The following HOXB9 variants were observed in gnomAD, a reference collection of about 807,000 sequenced individuals.
HOXB9 encodes the protein homeobox B9.
In HOXB9, 10 loss-of-function variants were observed where a neutral mutation model predicts 21.5. That is an observed-to-expected ratio of 0.47 (90% CI 0.29 to 0.79). The LOEUF (loss-of-function observed/expected upper bound fraction) is 0.79. Ranked by LOEUF, HOXB9 falls within the 30% of genes least tolerant of loss-of-function variation. The pLI is 0.10. For synonymous variants in HOXB9, 156 were observed against 151.2 expected, an observed-to-expected ratio of 1.03 and a Z score of -0.23; for missense variants, 375 against 338.7, an observed-to-expected ratio of 1.11 and a Z score of -0.84.
chr17:48,625,392 C>T lies in HOXB9; in HGVS notation c.517+361G>A, dbSNP rs558520546. Among the ~76,000 whole-genome samples the T allele has an allele frequency of 1.7e-3, 263 of 152,316 alleles. 1 individual carries two copies. The highest frequency in any genetic ancestry group is 3.1e-3 in the Non-Finnish European group (214 of 68,020). On this transcript the variant is annotated intron_variant, in intron 1 of 1. Transcript: ENST00000311177. ...GGCTCTCGGCCTCGCTGGCCGCTGG[C>T]CCCGGCCCCCGCCAGCTCCTCTCCC... is the stretch of plus-strand genomic sequence containing the variant.
Position 48,626,096 on chromosome 17 carries a change from C to A in HOXB9, c.174G>T (p.Val58=), listed in dbSNP as rs907598515. The part of the protein sequence containing the change: ...PSCSFQPKAP[V]FGASWAPLSP... Reference sequence around the variant, plus strand: ...TCAGCGGCGCCCAGGAGGCGCCGAACACCGGCGCTTTGGGCTGGAAGCTGC... The same window carrying A: ...TCAGCGGCGCCCAGGAGGCGCCGAAAACCGGCGCTTTGGGCTGGAAGCTGC... The change falls in exon 1 of 2, where the codon GTG becomes GTT. Residue 58 remains valine, a synonymous_variant. Transcript: ENST00000311177. 50 of 1,578,164 alleles carry A rather than the reference C, an allele frequency of 3.2e-5. No individual in the cohort carries two copies. Among genetic ancestry groups the A allele is most frequent in the Non-Finnish European group, 4.2e-5 (49 of 1,168,794 alleles).
In HOXB9 at chr17:48,623,005, G is replaced by A. The variant is rs113492126; in HGVS notation, c.648C>T (p.His216=). 52 of 1,614,154 alleles carry A rather than the reference G, an allele frequency of 3.2e-5. No individual in the cohort carries two copies. The highest frequency in any genetic ancestry group is 6.7e-5 in the African/African-American group (5 of 75,030). The change falls in exon 2 of 2, where the codon CAC becomes CAT. Residue 216 remains histidine, a synonymous_variant. Coordinates refer to ENST00000311177, the MANE Select transcript of HOXB9 (RefSeq NM_024017.5). ...TCAGATTGAGGAGTCTGGCCACTTC[G>A]TGCCTACGGTCCCTGGTGAGGTACA... The part of the protein sequence containing the change: ...FNMYLTRDRR[H]EVARLLNLSE...
chr17:48,625,468 G>C (rs2070804559), intron 1 of HOXB9, among the ~76,000 whole-genome samples: 1 of 152,192 alleles, frequency 6.6e-6, no homozygotes, highest in Non-Finnish European at 1.5e-5. Flanking sequence ...CCGGGAGAGA[G>C]GGGGAAAGAG....
At chr17:48,623,960 C>A (rs2070791613) in intron 1 of HOXB9, among the ~76,000 whole-genome samples, 1 of 152,174 alleles carries the variant, frequency 6.6e-6, no homozygotes, top group Non-Finnish European at 1.5e-5. Context: ...GCTCCAGTCC[C>A]AAGGTGGGGA....
In HOXB9 at chr17:48,622,636, C is replaced by G. The variant is rs1040841548; in HGVS notation, c.*264G>C. ...AGGAGCTTGACTGGGGTCTCTCTTT[C>G]CTTGTGGCCCATCACATTCTTAGGA... On this transcript the variant is annotated 3_prime_UTR_variant, in exon 2 of 2. Transcript: ENST00000311177. 1.3e-5 allele frequency: 5 copies of G among 382,082 alleles called. No individual in the cohort carries two copies. Among genetic ancestry groups the G allele is most frequent in the African/African-American group, 8.3e-5 (4 of 48,414 alleles). 23.7% of individuals were successfully genotyped at this position (382,082 alleles called of 1,614,324 possible).
intron 1 of HOXB9, among the ~76,000 whole-genome samples, chr17:48,625,275 T>C (rs936410083): frequency 2.0e-5 from 3 of 152,246 alleles, no homozygotes; most frequent in African/African-American, 7.2e-5. Context: ...CCCTTCCCCT[T>C]GGCCGGCTTT....
At chr17:48,625,605 T>C in intron 1 of HOXB9, 148 bp downstream of exon 1, 1 of 951,350 alleles carries the variant, frequency 1.1e-6, no homozygotes, top group Non-Finnish European at 1.5e-6. Context: ...CTTCCCTCCG[T>C]CTTTCCTTCC....
chr17:48,622,782 A>G lies in HOXB9; in HGVS notation c.*118T>C, dbSNP rs1392405113. On this transcript the variant is annotated 3_prime_UTR_variant, in exon 2 of 2. Coordinates refer to ENST00000311177, the MANE Select transcript of HOXB9 (RefSeq NM_024017.5). ...TAGGTGCAGATAAAGGACTTGGAAGAGAGACTCCCTTCCCCATTCACTTGA... is the reference window on the plus strand; with the variant it reads ...TAGGTGCAGATAAAGGACTTGGAAGGGAGACTCCCTTCCCCATTCACTTGA... The G allele has an allele frequency of 9.8e-6, 7 of 713,076 alleles. No homozygotes were observed. Among genetic ancestry groups the G allele is most frequent in the Non-Finnish European group, 1.7e-5 (7 of 423,748 alleles). The allele number at this position is 713,076 out of a possible 1,614,324, so 44.2% of individuals were successfully genotyped here. A position where few individuals can be genotyped will look rare whatever the true frequency, so the allele number is the denominator to read the frequency against.
chr17:48,622,708 C>A lies in HOXB9; in HGVS notation c.*192G>T. 1.8e-6 allele frequency: 1 copy of A among 553,756 alleles called. No individual in the cohort carries two copies. The highest frequency in any genetic ancestry group is 3.2e-6 in the Non-Finnish European group (1 of 311,508). The allele number at this position is 553,756 out of a possible 1,614,324, so 34.3% of individuals were successfully genotyped here. ...AATCAACAAAACTTTCTCCTGACAC[C>A]TAGAGAGAAGAGAGAGACAGGTAAG... On this transcript the variant is annotated 3_prime_UTR_variant, in exon 2 of 2. Coordinates refer to ENST00000311177, the MANE Select transcript of HOXB9 (RefSeq NM_024017.5).
At chr17:48,623,722 C>A (rs535903592) in intron 1 of HOXB9, among the ~76,000 whole-genome samples, 40 of 152,286 alleles carry the variant, frequency 2.6e-4, no homozygotes, top group African/African-American at 9.1e-4. Context: ...TCCCCCCCTG[C>A]CACCACCACA....
Position 48,626,244 on chromosome 17 carries a change from C to G in HOXB9, c.26G>C (p.Ser9Thr). ...ACTTATGATCGAGTCGACATAATAGCTGCTAAGCGTCCCAGAAATGGACAT... is the reference window on the plus strand; with the variant it reads ...ACTTATGATCGAGTCGACATAATAGGTGCTAAGCGTCCCAGAAATGGACAT... MSISGTLS[S>T]YYVDSIISHE... The change falls in exon 1 of 2, where the codon AGC (serine) becomes ACC (threonine). Residue 9 changes from serine (S) to threonine (T), a missense_variant. Ser to Thr is a moderately conservative substitution (Grantham distance 58, BLOSUM62 1). Transcript: ENST00000311177. 6.3e-7 allele frequency: 1 copy of G among 1,594,896 alleles called. No homozygotes were observed. Among genetic ancestry groups the G allele is most frequent in the Non-Finnish European group, 8.5e-7 (1 of 1,176,776 alleles).
intron 1 of HOXB9, among the ~76,000 whole-genome samples, chr17:48,625,176 G>A (rs2070801452): frequency 6.6e-6 from 1 of 152,274 alleles, no homozygotes; most frequent in Admixed American, 6.5e-5. Context: ...GCCGGTTGCG[G>A]ACTCTGCGCG....
At position 48,625,745 on chromosome 17, in the gene HOXB9, TA is replaced by T; in HGVS notation, c.517+7del. 1 of 1,547,916 alleles carries T rather than the reference TA, an allele frequency of 6.5e-7. No homozygotes were observed. Among genetic ancestry groups the T allele is most frequent in the Non-Finnish European group, 8.7e-7 (1 of 1,147,054 alleles). On this transcript the variant is annotated splice_region_variant and intron_variant, in intron 1 of 1. Coordinates refer to ENST00000311177, the MANE Select transcript of HOXB9 (RefSeq NM_024017.5). ...GGCCTGGGTATTTCCTCACTTTTTA[TA>T]ACTTACTTTGATCCGGCCTCTCTTT...
Position 48,622,283 on chromosome 17 carries a change from A to G in HOXB9, c.*617T>C, listed in dbSNP as rs1230229766. ...GCAACTCCATGGGAATGGTATGGCAATGCTGCAGCCTTTGGGCTGCAACAC... is the reference window on the plus strand; with the variant it reads ...GCAACTCCATGGGAATGGTATGGCAGTGCTGCAGCCTTTGGGCTGCAACAC... On this transcript the variant is annotated 3_prime_UTR_variant, in exon 2 of 2. Transcript: ENST00000311177. 6.5e-6 allele frequency: 1 copy of G among 152,860 alleles called. No individual in the cohort carries two copies. The highest frequency in any genetic ancestry group is 1.5e-5 in the Non-Finnish European group (1 of 68,220). 9.5% of individuals were successfully genotyped at this position (152,860 alleles called of 1,614,324 possible). A position where few individuals can be genotyped will look rare whatever the true frequency, so the allele number is the denominator to read the frequency against.
At chr17:48,625,368 G>A (rs1262191165) in intron 1 of HOXB9, among the ~76,000 whole-genome samples, 1 of 152,206 alleles carries the variant, frequency 6.6e-6, no homozygotes, top group East Asian at 1.9e-4. Flanking sequence ...GCCCTCGCCG[G>A]CTCTCGGCCT....
intron 1 of HOXB9, among the ~76,000 whole-genome samples, chr17:48,623,493 G>A (rs530182916): frequency 1.3e-5 from 2 of 152,336 alleles, no homozygotes; most frequent in African/African-American, 4.8e-5. Flanking sequence ...GGCTGACTAG[G>A]GGTGGGTGGC....
rs1401809281 is a variant in HOXB9 at position 48,622,995 on chromosome 17, T to C, written c.658A>G (p.Arg220Gly). The C allele has an allele frequency of 6.2e-7, 1 of 1,614,148 alleles. No individual in the cohort carries two copies. The highest frequency in any genetic ancestry group is 8.5e-7 in the Non-Finnish European group (1 of 1,180,042). ...TGTCTCTCACTCAGATTGAGGAGTC[T>C]GGCCACTTCGTGCCTACGGTCCCTG... ...LTRDRRHEVA[R>G]LLNLSERQVK... The change falls in exon 2 of 2, where the codon AGA becomes GGA. Residue 220 changes from arginine (R) to glycine (G), a missense_variant. By Grantham distance (125) the Arg-to-Gly change is moderately radical. Coordinates refer to ENST00000311177, the MANE Select transcript of HOXB9 (RefSeq NM_024017.5).
intron 1 of HOXB9, among the ~76,000 whole-genome samples, chr17:48,625,301 G>A (rs1322666478): frequency 1.3e-5 from 2 of 152,240 alleles, no homozygotes; most frequent in African/African-American, 4.8e-5. Flanking sequence ...TCTGCGCGTG[G>A]CGCGGGGAGC....
chr17:48,622,944 G>A lies in HOXB9; in HGVS notation c.709C>T (p.Arg237Trp), dbSNP rs758737820. ...TTATTCATTTTCTTCATTTTCATCC[G>A]CCGGTTCTGAAACCAGATTTTGACT... is the stretch of plus-strand genomic sequence containing the variant. ...RQVKIWFQNR[R>W]MKMKKMNKEQ... The change falls in exon 2 of 2, where the codon CGG becomes TGG. Residue 237 changes from arginine (R) to tryptophan (W), a missense_variant. Transcript: ENST00000311177. 6 of 1,614,122 alleles carry A rather than the reference G, an allele frequency of 3.7e-6. No homozygotes were observed. The highest frequency in any genetic ancestry group is 2.2e-5 in the South Asian group (2 of 91,082).
Sources: allele counts gnomAD v4.1 joint callset (sites outside exome capture counted in the v4.1 genomes callset), GRCh38; gene constraint gnomAD v4.1.1; transcripts MANE v1.5; gene names NCBI Gene and HGNC (gene_info 2026-07-23, HGNC 2026-07-21).